Variants in KDM4C observed in about 807,000 individuals in gnomAD.
KDM4C encodes lysine-specific demethylase 4C.
Under a neutral mutation model 129.3 loss-of-function variants are expected in KDM4C, and 81 were observed. That is an observed-to-expected ratio of 0.63 (90% confidence interval 0.52 to 0.75). KDM4C has a LOEUF of 0.75. KDM4C is among the 30% of genes least tolerant of loss of function. The pLI is 0.00. For missense variants in KDM4C, 1,457 were observed against 1,304.0 expected (o/e 1.12, Z -1.81); for synonymous variants, 573 against 456.1 (o/e 1.26, Z -3.26).
intron 1 of KDM4C, among the ~76,000 whole-genome samples, chr9:6,736,231 A>G (rs975167613): frequency 2.0e-5 from 3 of 152,206 alleles, no homozygotes; most frequent in East Asian, 1.9e-4. Flanking sequence ...CAACCTGACA[A>G]TGCAACAGAA....
intron 1 of KDM4C, among the ~76,000 whole-genome samples, chr9:6,781,759 T>A (rs1025823065): frequency 6.6e-6 from 1 of 152,136 alleles, no homozygotes; most frequent in Non-Finnish European, 1.5e-5. Context: ...CATTGCGCTA[T>A]GCGTGTCTGT....
rs1359020847 is a variant in KDM4C, at chr9:6,827,772, G to A, written c.435+13027G>A. 3.3e-5 allele frequency among the ~76,000 whole-genome samples: 5 copies of A among 152,230 alleles called. No homozygotes were observed. In the South Asian group the frequency reaches 6.2e-4, roughly 19 times the overall value. On this transcript the variant is annotated intron_variant, in intron 4 of 21. Coordinates refer to ENST00000381309, the MANE Select transcript of KDM4C (RefSeq NM_015061.6). ...CTAGACAGGTTTTGACGCAGAGAGA[G>A]AGCTATTGGCTTGTAGGATTGTGAC...
rs1263605200 is a variant in KDM4C at position 6,863,814 on chromosome 9, AG to A, written c.629+14115del. Among the ~76,000 whole-genome samples, 937 of 140,104 alleles carry A rather than the reference AG, an allele frequency of 6.7e-3. 7 individuals are homozygous for A. Among genetic ancestry groups the A allele is most frequent in the Middle Eastern group, 0.011 (3 of 272 alleles). 91.9% of individuals were successfully genotyped at this position (140,104 alleles called of 152,430 possible). A position where few individuals can be genotyped will look rare whatever the true frequency, so the allele number is the denominator to read the frequency against. ...ATCTCAAAAAAAAAAAAAAAAAAAG[AG>A]AGAGAGAAGGAAGGGAGGGCCAGGC... On this transcript the variant is annotated intron_variant, in intron 5 of 21. Coordinates refer to ENST00000381309, the MANE Select transcript of KDM4C (RefSeq NM_015061.6).
At chr9:6,728,097 G>T (rs1026094960) in intron 1 of KDM4C, among the ~76,000 whole-genome samples, 39 of 133,188 alleles carry the variant, frequency 2.9e-4, no homozygotes, top group African/African-American at 7.8e-4. Flanking sequence ...AAAAAAAAGT[G>T]TTATACACTT....
chr9:7,026,156 G>C (rs1233939363), intron 15 of KDM4C, among the ~76,000 whole-genome samples: 3 of 151,206 alleles, frequency 2.0e-5, no homozygotes, highest in Non-Finnish European at 4.4e-5. Flanking sequence ...AGTGAGCCGA[G>C]ATCGCACCGC....
intron 4 of KDM4C, among the ~76,000 whole-genome samples, chr9:6,818,585 C>G (rs896813829): frequency 1.3e-5 from 2 of 152,170 alleles, no homozygotes; most frequent in African/African-American, 4.8e-5. Flanking sequence ...TGGGAGTGGG[C>G]ATATTGAAAA....
intron 1 of KDM4C, among the ~76,000 whole-genome samples, chr9:6,790,582 C>G (rs1826366356): frequency 7.2e-6 from 1 of 138,862 alleles, no homozygotes. Flanking sequence ...CTGTTACTAT[C>G]TCATGACGTT....
At chr9:6,827,775 C>T (rs185977547) in intron 4 of KDM4C, among the ~76,000 whole-genome samples, 2 of 152,302 alleles carry the variant, frequency 1.3e-5, no homozygotes, top group African/African-American at 4.8e-5. Flanking sequence ...AGAGAGAGAG[C>T]TATTGGCTTG....
At chr9:7,128,549 G>T (rs893102351) in intron 19 of KDM4C, among the ~76,000 whole-genome samples, 3 of 152,170 alleles carry the variant, frequency 2.0e-5, no homozygotes, top group African/African-American at 7.2e-5. Context: ...AACCATAGCA[G>T]ATATGAATCC....
At chr9:7,075,286 T>C (rs569720925) in intron 17 of KDM4C, among the ~76,000 whole-genome samples, 1 of 152,336 alleles carries the variant, frequency 6.6e-6, no homozygotes, top group African/African-American at 2.4e-5. Context: ...GTTTTGAAGT[T>C]CAACTGTCCT....
At chr9:6,749,013 C>G (rs1420566284) in intron 1 of KDM4C, 2 of 707,242 alleles carry the variant, frequency 2.8e-6, no homozygotes, top group African/African-American at 1.8e-5. Flanking sequence ...CACTTGCAAG[C>G]TTATTATTAT....
chr9:6,785,248 T>G (rs1825222478), intron 1 of KDM4C, among the ~76,000 whole-genome samples: 2 of 152,220 alleles, frequency 1.3e-5, no homozygotes, highest in South Asian at 4.1e-4. Context: ...CCAGGAGTCC[T>G]TGGCATTCCT....
At chr9:7,072,380 TTCAACTG>T (rs1833324301) in intron 17 of KDM4C, among the ~76,000 whole-genome samples, 1 of 152,194 alleles carries the variant, frequency 6.6e-6, no homozygotes, top group South Asian at 2.1e-4. Flanking sequence ...CTCAGTGTTT[TTCAACTG>T]GGGAATGAAT....
At chr9:6,741,152 T>A (rs1243435918) in intron 1 of KDM4C, among the ~76,000 whole-genome samples, 3 of 152,056 alleles carry the variant, frequency 2.0e-5, no homozygotes, top group African/African-American at 7.2e-5. Flanking sequence ...AATCCCAGCA[T>A]TTTGGGAGGC....
chr9:7,078,367 A>C (rs890190183), intron 17 of KDM4C, among the ~76,000 whole-genome samples: 1 of 151,826 alleles, frequency 6.6e-6, no homozygotes, highest in African/African-American at 2.4e-5. Context: ...CACAGCTTTT[A>C]GCAGAGAAAT....
intron 15 of KDM4C, among the ~76,000 whole-genome samples, chr9:7,017,869 A>C (rs940368586): frequency 1.3e-5 from 2 of 152,194 alleles, no homozygotes; most frequent in Non-Finnish European, 2.9e-5. Context: ...AGTTCTCAGT[A>C]AGTCTGAGAG....
intron 4 of KDM4C, among the ~76,000 whole-genome samples, chr9:6,839,633 A>G (rs958523112): frequency 1.3e-5 from 2 of 152,040 alleles, no homozygotes; most frequent in Non-Finnish European, 2.9e-5. Flanking sequence ...GTGGCTGGGC[A>G]TGGTGGCTCG....
At chr9:7,151,639 C>T (rs1842738492) in intron 19 of KDM4C, among the ~76,000 whole-genome samples, 1 of 152,208 alleles carries the variant, frequency 6.6e-6, no homozygotes, top group African/African-American at 2.4e-5. Flanking sequence ...AGTGCCACTG[C>T]AGTCACTCCG....
chr9:7,034,589 G>A (rs1343024693), intron 15 of KDM4C, among the ~76,000 whole-genome samples: 1 of 152,106 alleles, frequency 6.6e-6, no homozygotes, highest in Non-Finnish European at 1.5e-5. Flanking sequence ...GGATACCTAG[G>A]TTGATTCCAT....
Sources: gnomAD v4.1 joint callset for allele counts (sites outside exome capture counted in the v4.1 genomes callset) on GRCh38, gnomAD v4.1.1 for gene constraint, MANE v1.5 for transcripts, NCBI Gene and HGNC (gene_info 2026-07-23, HGNC 2026-07-21) for gene names.